FAM13A: variants seen among roughly 807,000 people sequenced by gnomAD.
FAM13A encodes protein FAM13A.
In FAM13A, 76 loss-of-function variants were observed where a neutral mutation model predicts 129.6. The observed-to-expected ratio is 0.59, with a 90% CI of 0.49 to 0.71. The LOEUF (loss-of-function observed/expected upper bound fraction) is 0.71, where lower values mean the gene tolerates loss of function less well. Ranked by LOEUF, FAM13A falls within the 30% of genes least tolerant of loss-of-function variation. FAM13A has a pLI of 0.00. For missense variants in FAM13A, 1,108 were observed against 1,249.3 expected (o/e 0.89, Z 1.70); for synonymous variants, 443 against 449.9 (o/e 0.98, Z 0.20).
chr4:88,850,630 C>T (rs1025797677), intron 7 of FAM13A, among the ~76,000 whole-genome samples: 1 of 152,070 alleles, frequency 6.6e-6, no homozygotes, highest in Non-Finnish European at 1.5e-5. Context: ...GTGCAACATA[C>T]TGGTTAAAAA....
At chr4:88,740,564 A>G (rs997083636) in intron 19 of FAM13A, among the ~76,000 whole-genome samples, 4 of 152,234 alleles carry the variant, frequency 2.6e-5, no homozygotes, top group African/African-American at 2.4e-5. Context: ...TGTCTCCTGC[A>G]TTCTCTTACT....
intron 6 of FAM13A, among the ~76,000 whole-genome samples, chr4:88,874,966 G>T (rs2150097250): frequency 6.6e-6 from 1 of 152,298 alleles, no homozygotes; most frequent in Non-Finnish European, 1.5e-5. Context: ...GAACAGAACA[G>T]AGGCCTCAGA....
chr4:88,980,610 A>G (rs972240961), intron 4 of FAM13A, among the ~76,000 whole-genome samples: 2 of 152,194 alleles, frequency 1.3e-5, no homozygotes, highest in African/African-American at 4.8e-5. Flanking sequence ...CTAAAAATTA[A>G]GGGAAAAATT....
In FAM13A at chr4:88,968,436, AG is replaced by A. The variant is rs562404488; in HGVS notation, c.605+22536del. ...GCAAGGTAAAATTGACTCTGAAAAA[AG>A]CTTTCAAATTCTTTCTTCGCTATGA... On this transcript the variant is annotated intron_variant, in intron 4 of 23. Transcript: ENST00000264344. Among the ~76,000 whole-genome samples, 7 of 152,348 alleles carry A rather than the reference AG, an allele frequency of 4.6e-5. No homozygotes were observed. The East Asian group carries it at 1.2e-3, about 25-fold the overall frequency.
chr4:88,877,871 C>T (rs1015459356), intron 6 of FAM13A, among the ~76,000 whole-genome samples: 2 of 152,154 alleles, frequency 1.3e-5, no homozygotes, highest in Non-Finnish European at 2.9e-5. Flanking sequence ...CAAGGCCCCT[C>T]GCAGTGGGAT....
chr4:88,893,826 CAAA>C (rs10700709), intron 6 of FAM13A, among the ~76,000 whole-genome samples: 1 of 118,034 alleles, frequency 8.5e-6, no homozygotes. Flanking sequence ...GACTCCGTCT[CAAA>C]AAAAAAAAAA....
intron 4 of FAM13A, among the ~76,000 whole-genome samples, chr4:88,959,550 T>C (rs906221857): frequency 1.1e-4 from 16 of 152,232 alleles, no homozygotes; most frequent in Admixed American, 8.5e-4. Context: ...GCTATAATTA[T>C]AAGTTTCCTG....
chr4:89,051,505 T>C (rs1282692731), intron 1 of FAM13A, among the ~76,000 whole-genome samples: 5 of 152,204 alleles, frequency 3.3e-5, no homozygotes, highest in Non-Finnish European at 7.3e-5. Context: ...TTCGTATCCT[T>C]TTCGCATGCA....
In FAM13A at chr4:88,748,953, TTTAAG is replaced by T; in HGVS notation, c.2155_2159del (p.Leu719ArgfsTer8). Reference sequence around the variant, plus strand: ...CCACAGCTCCAGAATTTTACCCACCTTTAAGTTGTCTCCGGAATTTGGCAAGGTCA... The same window carrying T: ...CCACAGCTCCAGAATTTTACCCACCTTTGTCTCCGGAATTTGGCAAGGTCA... On this transcript the variant is annotated frameshift_variant and splice_region_variant, in exon 17 of 24. Transcript: ENST00000264344. LOFTEE classifies it high-confidence loss of function. The T allele has an allele frequency of 1.2e-6, 2 of 1,611,784 alleles. No individual in the cohort carries two copies. Among genetic ancestry groups the T allele is most frequent in the Non-Finnish European group, 1.7e-6 (2 of 1,177,900 alleles).
chr4:89,009,381 C>T (rs1223542202), intron 3 of FAM13A, among the ~76,000 whole-genome samples: 2 of 152,190 alleles, frequency 1.3e-5, no homozygotes, highest in Non-Finnish European at 2.9e-5. Context: ...CCTCTCCTTA[C>T]AGAATGTTAA....
intron 5 of FAM13A, among the ~76,000 whole-genome samples, chr4:88,913,322 G>A (rs1246922011): frequency 6.8e-6 from 1 of 146,110 alleles, no homozygotes; most frequent in African/African-American, 2.5e-5. Flanking sequence ...GGAAGAAGAG[G>A]AGGAGGAAGA....
In FAM13A at chr4:88,787,854, C is replaced by T. The variant is rs1724286663; in HGVS notation, c.1170G>A (p.Glu390=). The part of the protein sequence containing the change: ...DVNNSGGQSS[E]DSESGTLSAS... ...CTGATAGTGTTCCAGATTCTGAGTC[C>T]TCTGAACTTTGACCTCCAGAGTTAT... is the stretch of plus-strand genomic sequence containing the variant. The change falls in exon 10 of 24, where the codon GAG becomes GAA. Residue 390 remains glutamate, a synonymous_variant. Transcript: ENST00000264344. The T allele has an allele frequency of 6.2e-7, 1 of 1,613,510 alleles. No homozygotes were observed. The highest frequency in any genetic ancestry group is 8.5e-7 in the Non-Finnish European group (1 of 1,179,734).
intron 1 of FAM13A, among the ~76,000 whole-genome samples, chr4:89,043,436 G>T (rs940914681): frequency 6.6e-6 from 1 of 152,144 alleles, no homozygotes. Context: ...AGCAATAGAG[G>T]GGGGAATCTC....
At chr4:88,990,110 C>G (rs1440457503) in intron 4 of FAM13A, 1 of 152,078 alleles carries the variant, frequency 6.6e-6, no homozygotes, top group African/African-American at 2.4e-5. Context: ...ATAGTTATTA[C>G]AGTAGAACTT....
At chr4:88,935,874 C>T (rs1579361981) in intron 5 of FAM13A, among the ~76,000 whole-genome samples, 1 of 152,254 alleles carries the variant, frequency 6.6e-6, no homozygotes, top group African/African-American at 2.4e-5. Context: ...GAGAATCACA[C>T]CCCTTGTCAC....
At chr4:88,732,281 T>G in intron 21 of FAM13A, 83 bp from the exon 22 acceptor site, 1 of 957,900 alleles carries the variant, frequency 1.0e-6, no homozygotes. Flanking sequence ...AATAATCATT[T>G]AATTATCAGA....
At chr4:88,915,192 C>T (rs1471702384) in intron 5 of FAM13A, among the ~76,000 whole-genome samples, 2 of 152,184 alleles carry the variant, frequency 1.3e-5, no homozygotes, top group African/African-American at 2.4e-5. Flanking sequence ...ACAGATCACT[C>T]TTTACAACCC....
chr4:88,889,061 C>T (rs1036338672), intron 6 of FAM13A, among the ~76,000 whole-genome samples: 1 of 152,030 alleles, frequency 6.6e-6, no homozygotes, highest in African/African-American at 2.4e-5. Context: ...GGAGGGGAAT[C>T]GCAGGGGTGA....
intron 3 of FAM13A, among the ~76,000 whole-genome samples, chr4:89,005,892 C>T (rs562242877): frequency 1.8e-4 from 27 of 152,300 alleles, no homozygotes; most frequent in African/African-American, 6.3e-4. Context: ...GTTTCTTTTG[C>T]TGTGCAGAAG....
Sources: gnomAD v4.1 joint callset for allele counts (sites outside exome capture counted in the v4.1 genomes callset) on GRCh38, gnomAD v4.1.1 for gene constraint, MANE v1.5 for transcripts, NCBI Gene and HGNC (gene_info 2026-07-23, HGNC 2026-07-21) for gene names.